Variants in RCC1 observed in about 807,000 individuals in gnomAD.
The protein encoded by RCC1 is regulator of chromosome condensation.
A neutral mutation model predicts 44.4 loss-of-function variants in RCC1; 11 were observed. The ratio of observed to expected loss-of-function variants is 0.25; its 90% CI spans 0.16 to 0.41. RCC1 has a LOEUF of 0.41. Among genes scored for constraint, RCC1 ranks in the 10% least tolerant of loss-of-function variants. The pLI, the probability that RCC1 is intolerant of heterozygous loss-of-function variation, is 1.00. For synonymous variants in RCC1, 213 were observed against 216.5 expected (o/e 0.98, Z 0.14); for missense variants, 386 against 547.1 (o/e 0.71, Z 2.94).
At chr1:28,509,074 A>G in intron 3 of RCC1, 169 bp downstream of exon 3, 1 of 361,596 alleles carries the variant, frequency 2.8e-6, no homozygotes, top group Non-Finnish European at 5.4e-6. Context: ...AGTAGCTGGG[A>G]TTACAAACAT....
intron 5 of RCC1, among the ~76,000 whole-genome samples, chr1:28,531,039 G>C (rs1246028893): frequency 6.6e-6 from 1 of 152,058 alleles, no homozygotes; most frequent in Non-Finnish European, 1.5e-5. Context: ...GACCATCCTG[G>C]CTAACACGGT....
chr1:28,508,355 C>T, intron 2 of RCC1, 195 bp downstream of exon 2: 1 of 356,648 alleles, frequency 2.8e-6, no homozygotes, highest in Non-Finnish European at 5.6e-6. Context: ...TCAACATATG[C>T]TCTGTTCTGT....
At chr1:28,507,403 C>T (rs1273753532) in intron 1 of RCC1, 1 of 519,086 alleles carries the variant, frequency 1.9e-6, no homozygotes, top group East Asian at 5.5e-5. Context: ...TCTCCCCGGG[C>T]TCTGTCCAAG....
intron 5 of RCC1, chr1:28,530,562 G>T: frequency 6.2e-7 from 1 of 1,606,230 alleles, no homozygotes. Flanking sequence ...CCTGGCGCCC[G>T]CTCCTGCCAA....
intron 4 of RCC1, chr1:28,527,138 G>A: frequency 7.8e-7 from 1 of 1,278,344 alleles, no homozygotes; most frequent in Non-Finnish European, 1.1e-6. Context: ...CAGCAGGCCT[G>A]AGGGCTGCAG....
At chr1:28,514,483 C>G (rs1318365059) in intron 3 of RCC1, among the ~76,000 whole-genome samples, 4 of 148,624 alleles carry the variant, frequency 2.7e-5, no homozygotes. Context: ...TTCTGGCGGC[C>G]TGGTGTGGTG....
chr1:28,530,173 A>C (rs1035879507), intron 5 of RCC1, among the ~76,000 whole-genome samples: 17 of 152,034 alleles, frequency 1.1e-4, no homozygotes, highest in African/African-American at 3.9e-4. Flanking sequence ...AAAAAAAAAA[A>C]AAACTAGACC....
intron 5 of RCC1, chr1:28,530,700 C>A: frequency 6.1e-6 from 7 of 1,148,366 alleles, no homozygotes; most frequent in Non-Finnish European, 8.5e-6. Context: ...GGCTGGGCGC[C>A]ATTGGCTGCC....
intron 4 of RCC1, among the ~76,000 whole-genome samples, chr1:28,520,852 C>T (rs558011436): frequency 2.1e-4 from 32 of 151,988 alleles, no homozygotes; most frequent in African/African-American, 7.7e-4. Context: ...CCAAGGTGGG[C>T]AGATCACCTG....
At chr1:28,508,063 T>C (rs1160656334) in intron 1 of RCC1, 65 bp from the exon 2 acceptor site, 3 of 414,442 alleles carry the variant, frequency 7.2e-6, no homozygotes, top group African/African-American at 4.1e-5. Context: ...GGCGATAGCA[T>C]GAGGCCCCTC....
chr1:28,506,202 T>C (rs926350144), intron 1 of RCC1, 118 bp downstream of exon 1: 17 of 176,910 alleles, frequency 9.6e-5, no homozygotes, highest in Middle Eastern at 1.2e-3. Flanking sequence ...ATTTATTTAC[T>C]TTTTTTTTTT....
At chr1:28,514,331 TC>T (rs1662747113) in intron 3 of RCC1, among the ~76,000 whole-genome samples, 1 of 151,492 alleles carries the variant, frequency 6.6e-6, no homozygotes, top group African/African-American at 2.4e-5. Flanking sequence ...GTGCCTGTAG[TC>T]CCAGCTACTA....
At chr1:28,526,950 A>G in intron 4 of RCC1, 5 of 858,970 alleles carry the variant, frequency 5.8e-6, no homozygotes, top group Non-Finnish European at 9.9e-6. Context: ...AGCACCAAAT[A>G]TTTCCCCTCA....
At chr1:28,524,492 G>A (rs943715643) in intron 4 of RCC1, among the ~76,000 whole-genome samples, 15 of 152,094 alleles carry the variant, frequency 9.9e-5, no homozygotes, top group African/African-American at 3.4e-4. Context: ...CCATGAGTTC[G>A]AGGCTGCAAT....
intron 3 of RCC1, among the ~76,000 whole-genome samples, chr1:28,511,082 C>T (rs1382456176): frequency 1.3e-5 from 2 of 152,128 alleles, no homozygotes; most frequent in Non-Finnish European, 2.9e-5. Flanking sequence ...TCCAAACAGG[C>T]ACTTCTGGCC....
chr1:28,536,025 TGGTGAGCCCC>T lies in RCC1; in HGVS notation c.817+1_817+10del. 1 of 1,606,074 alleles carries T rather than the reference TGGTGAGCCCC, an allele frequency of 6.2e-7. No individual in the cohort carries two copies. Among genetic ancestry groups the T allele is most frequent in the Non-Finnish European group, 8.5e-7 (1 of 1,175,112 alleles). ...TCGGCCTCTCCAACTACCATCAGCT[TGGTGAGCCCC>T]GAGCCCAGCTTCAGGCATGACCCAG... On this transcript the variant is annotated splice_donor_variant and splice_donor_5th_base_variant and coding_sequence_variant and intron_variant, in exon 10 of 13. Transcript: ENST00000683442. LOFTEE classifies it high-confidence loss of function. The surrounding 1 kb of genome is among the most constrained non-coding windows in gnomAD (Gnocchi z 4.9).
At position 28,538,210 on chromosome 1, in the gene RCC1, G is replaced by C. The variant is rs998618643; in HGVS notation, c.*203G>C. On this transcript the variant is annotated 3_prime_UTR_variant, in exon 13 of 13. Transcript: ENST00000683442. ...TTTCCTGGGACCTACAGAATAAAGG[G>C]GGGGATGGACAGGGGGTTTTCAAAA... is the stretch of plus-strand genomic sequence containing the variant. 1.4e-5 allele frequency: 7 copies of C among 506,724 alleles called. No homozygotes were observed. The highest frequency in any genetic ancestry group is 2.4e-5 in the Non-Finnish European group (7 of 288,386). The allele number at this position is 506,724 out of a possible 1,614,324, so 31.4% of individuals were successfully genotyped here. A position where few individuals can be genotyped will look rare whatever the true frequency, so the allele number is the denominator to read the frequency against.
chr1:28,509,535 G>C (rs1001233070), intron 3 of RCC1: 6 of 152,228 alleles, frequency 3.9e-5, no homozygotes, highest in African/African-American at 1.4e-4. Context: ...CACCCTGCCC[G>C]GCCACTTTTG....
rs149343421 is a variant in RCC1, at chr1:28,528,119, G to A, written c.-9-1739G>A. On this transcript the variant is annotated intron_variant, in intron 4 of 12. Coordinates refer to ENST00000683442, the MANE Select transcript of RCC1 (RefSeq NM_001381865.2). ...TGGATTACTTGAGATTAGGAGTTTG[G>A]GACCAGCCTGGCCAACATGGTGAAA... 7.0e-3 allele frequency among the ~76,000 whole-genome samples: 1,067 copies of A among 151,588 alleles called. 12 individuals are homozygous for A. The highest frequency in any genetic ancestry group is 0.025 in the African/African-American group (1,024 of 41,314).
Sources: gnomAD v4.1 joint callset for allele counts (sites outside exome capture counted in the v4.1 genomes callset) on GRCh38, gnomAD v4.1.1 for gene constraint, Gnocchi (gnomAD v3.1) non-coding constraint, MANE v1.5 for transcripts, NCBI Gene and HGNC (gene_info 2026-07-23, HGNC 2026-07-21) for gene names.